VEPH1: variants seen among roughly 807,000 people sequenced by gnomAD.
VEPH1 encodes ventricular zone-expressed PH domain-containing protein homolog 1.
VEPH1 carries 80 observed loss-of-function variants against 85.2 expected under a neutral mutation model. The observed-to-expected ratio is 0.94, with a 90% CI of 0.78 to 1.13. The LOEUF is 1.13. Among genes scored for constraint, VEPH1 ranks in the 50% most tolerant of loss-of-function variants. The pLI is 0.00. For missense variants in VEPH1, 955 were observed against 980.5 expected, an observed-to-expected ratio of 0.97 and a Z score of 0.35; for synonymous variants, 297 against 348.0, an observed-to-expected ratio of 0.85 and a Z score of 1.63.
intron 5 of VEPH1, among the ~76,000 whole-genome samples, chr3:157,422,331 C>T (rs773023774): frequency 6.6e-6 from 1 of 152,194 alleles, no homozygotes; most frequent in Non-Finnish European, 1.5e-5. Context: ...CCTTTGGTAC[C>T]ACCACTGTTC....
intron 4 of VEPH1, among the ~76,000 whole-genome samples, chr3:157,445,349 G>A (rs928540579): frequency 4.6e-5 from 7 of 152,146 alleles, no homozygotes; most frequent in Non-Finnish European, 7.3e-5. Flanking sequence ...ACAGCCAGGC[G>A]GGGTGGCTCA....
chr3:157,305,508 T>G (rs1719419024), intron 11 of VEPH1, among the ~76,000 whole-genome samples: 1 of 152,216 alleles, frequency 6.6e-6, no homozygotes. Flanking sequence ...TCTCCTATCT[T>G]TAGACATTTA....
chr3:157,387,686 G>C (rs16827579), intron 6 of VEPH1, among the ~76,000 whole-genome samples: 11,781 of 152,208 alleles, frequency 0.077, 616 homozygotes, highest in African/African-American at 0.14. Context: ...TTCTTTCTCA[G>C]TGCTGTCCTC....
At chr3:157,407,202 C>T (rs903004682) in intron 6 of VEPH1, among the ~76,000 whole-genome samples, 15 of 152,088 alleles carry the variant, frequency 9.9e-5, no homozygotes, top group African/African-American at 2.2e-4. Flanking sequence ...CCTCTGTGGA[C>T]GAGAAACATC....
At chr3:157,397,565 T>A (rs1045355110) in intron 6 of VEPH1, among the ~76,000 whole-genome samples, 15 of 152,156 alleles carry the variant, frequency 9.9e-5, no homozygotes, top group Non-Finnish European at 1.6e-4. Context: ...TGGTATGTTT[T>A]TTCATTTGTT....
rs1712690108 is a variant in VEPH1, at chr3:157,260,062, C to T, written c.*1072G>A. The T allele has an allele frequency of 6.6e-6, 1 of 152,188 alleles. No homozygotes were observed. 9.4% of individuals were successfully genotyped at this position (152,188 alleles called of 1,614,324 possible). A position where few individuals can be genotyped will look rare whatever the true frequency, so the allele number is the denominator to read the frequency against. ...CCACCCAGGGGATCTCTTTGATTAACTCAAAGTCAGCTGATTAGAAACCTT... is the reference window on the plus strand; with the variant it reads ...CCACCCAGGGGATCTCTTTGATTAATTCAAAGTCAGCTGATTAGAAACCTT... On this transcript the variant is annotated 3_prime_UTR_variant, in exon 14 of 14. Coordinates refer to ENST00000362010, the MANE Select transcript of VEPH1 (RefSeq NM_001167912.2).
chr3:157,296,911 T>A (rs564617495), intron 11 of VEPH1, among the ~76,000 whole-genome samples: 1 of 152,374 alleles, frequency 6.6e-6, no homozygotes, highest in South Asian at 2.1e-4. Context: ...TTTCAGTGAC[T>A]TTTTGCCACA....
At chr3:157,399,831 AAAAT>A (rs1730678371) in intron 6 of VEPH1, among the ~76,000 whole-genome samples, 1 of 152,122 alleles carries the variant, frequency 6.6e-6, no homozygotes, top group Non-Finnish European at 1.5e-5. Flanking sequence ...AACAAAGCAG[AAAAT>A]AAATAAATAA....
intron 7 of VEPH1, among the ~76,000 whole-genome samples, chr3:157,375,848 C>T (rs1043010038): frequency 1.3e-5 from 2 of 152,156 alleles, no homozygotes; most frequent in African/African-American, 4.8e-5. Context: ...ATAATCACTA[C>T]CACCATCACT....
intron 4 of VEPH1, chr3:157,437,835 G>T (rs748112761): frequency 6.8e-7 from 1 of 1,470,398 alleles, no homozygotes; most frequent in Non-Finnish European, 8.9e-7. Context: ...CCCTGGCCGC[G>T]GTGCTAGAGG....
Position 157,369,188 on chromosome 3 carries a change from A to ACAAAACAAAAC in VEPH1, c.1128-4677_1128-4676insGTTTTGTTTTG, listed in dbSNP as rs1375949823. Among the ~76,000 whole-genome samples, 4 of 143,820 alleles carry ACAAAACAAAAC rather than the reference A, an allele frequency of 2.8e-5. No homozygotes were observed. The East Asian group carries it at 6.2e-4, about 22-fold the overall frequency. 94.4% of individuals were successfully genotyped at this position (143,820 alleles called of 152,430 possible). On this transcript the variant is annotated intron_variant, in intron 7 of 13. Transcript: ENST00000362010. The stretch of plus-strand genomic sequence containing the variant: ...AACAACAAAAACCAAATGAAAAAAA[A>ACAAAACAAAAC]AAAAAAAAAAAAAAAACCTCCTGAG...
intron 8 of VEPH1, among the ~76,000 whole-genome samples, chr3:157,363,977 T>C (rs1174667326): frequency 2.6e-5 from 4 of 152,242 alleles, no homozygotes; most frequent in African/African-American, 9.6e-5. Flanking sequence ...ATCAATTTCA[T>C]GGCAAAACTG....
rs766374612 is a variant in VEPH1 at position 157,428,349 on chromosome 3, A to T, written c.669T>A (p.His223Gln). The change falls in exon 5 of 14, where the codon CAT becomes CAA. Residue 223 changes from histidine to glutamine, a missense_variant. His to Gln is a conservative substitution (Grantham distance 24). Coordinates refer to ENST00000362010, the MANE Select transcript of VEPH1 (RefSeq NM_001167912.2). Reference sequence around the variant, plus strand: ...CGAGTTGTTTTTTCTTTGCTGCTACATGCAAAAGCCGTAGTAGATGGTACT... The same window carrying T: ...CGAGTTGTTTTTTCTTTGCTGCTACTTGCAAAAGCCGTAGTAGATGGTACT... ...PEQYHLLRLL[H>Q]VAAKKKQLEV... 1.9e-6 allele frequency: 3 copies of T among 1,614,162 alleles called. No individual in the cohort carries two copies. Among genetic ancestry groups the T allele is most frequent in the Non-Finnish European group, 2.5e-6 (3 of 1,180,008 alleles).
rs750986213 is a variant in VEPH1 at position 157,413,906 on chromosome 3, T to C, written c.881A>G (p.Tyr294Cys). Residue 294 changes from tyrosine to cysteine, a missense_variant, in exon 6 of 14, where the codon TAT (tyrosine) becomes TGT (cysteine). Coordinates refer to ENST00000362010, the MANE Select transcript of VEPH1 (RefSeq NM_001167912.2). ...TTCATCCACATGCCCAACAGCTCCATAAATCCTTGCCATCTGTCCAGTGAG... is the reference window on the plus strand; with the variant it reads ...TTCATCCACATGCCCAACAGCTCCACAAATCCTTGCCATCTGTCCAGTGAG... The part of the protein sequence containing the change: ...PYLTGQMARI[Y>C]GAVGHVDEER... 33 of 1,613,444 alleles carry C rather than the reference T, an allele frequency of 2.0e-5. No individual in the cohort carries two copies. Among genetic ancestry groups the C allele is most frequent in the Non-Finnish European group, 2.7e-5 (32 of 1,179,642 alleles).
chr3:157,330,617 C>T (rs1383855829), intron 9 of VEPH1, among the ~76,000 whole-genome samples: 1 of 152,118 alleles, frequency 6.6e-6, no homozygotes, highest in African/African-American at 2.4e-5. Flanking sequence ...CTCAGGATTT[C>T]GATGGCAAAA....
At chr3:157,500,450 A>G (rs1159474329) in intron 1 of VEPH1, among the ~76,000 whole-genome samples, 1 of 152,168 alleles carries the variant, frequency 6.6e-6, no homozygotes, top group Admixed American at 6.5e-5. Context: ...ACCAGGTCAT[A>G]TGTTCCAGGA....
intron 9 of VEPH1, among the ~76,000 whole-genome samples, chr3:157,358,320 T>G (rs1490655699): frequency 6.6e-6 from 1 of 152,190 alleles, no homozygotes. Flanking sequence ...CCCTAGTAAG[T>G]GCCCTTCTAA....
At chr3:157,298,152 C>T (rs1351830580) in intron 11 of VEPH1, among the ~76,000 whole-genome samples, 2 of 152,232 alleles carry the variant, frequency 1.3e-5, no homozygotes, top group Non-Finnish European at 2.9e-5. Context: ...TTACTCTGTT[C>T]CAGGTGCTCT....
intron 12 of VEPH1, among the ~76,000 whole-genome samples, chr3:157,268,590 A>G (rs1714076416): frequency 6.6e-6 from 1 of 152,218 alleles, no homozygotes; most frequent in South Asian, 2.1e-4. Context: ...ACAATTTTCT[A>G]ATCAGCAAGA....
Sources: gnomAD v4.1 joint callset for allele counts (sites outside exome capture counted in the v4.1 genomes callset) on GRCh38, gnomAD v4.1.1 for gene constraint, MANE v1.5 for transcripts, NCBI Gene and HGNC (gene_info 2026-07-23, HGNC 2026-07-21) for gene names.